Variants in DNAJB6 observed in about 807,000 individuals in gnomAD.
DNAJB6 encodes the protein DnaJ heat shock protein family (Hsp40) member B6.
A neutral mutation model predicts 42.7 loss-of-function variants in DNAJB6; 16 were observed. The ratio of observed to expected loss-of-function variants is 0.37; its 90% confidence interval spans 0.25 to 0.57. DNAJB6 has a LOEUF of 0.57. Ranked by LOEUF, DNAJB6 falls within the 20% of genes least tolerant of loss-of-function variation. The probability of loss-of-function intolerance (pLI) is 0.74; values close to 1 mark genes in which losing one functional copy is unlikely to be tolerated. For synonymous variants in DNAJB6, 170 were observed against 163.5 expected (o/e 1.04, Z -0.30); for missense variants, 347 against 416.8 (o/e 0.83, Z 1.46).
intron 1 of DNAJB6, among the ~76,000 whole-genome samples, chr7:157,346,075 T>G (rs978525938): frequency 7.2e-5 from 11 of 151,950 alleles, no homozygotes; most frequent in Admixed American, 2.0e-4. Flanking sequence ...GTAATGTGCA[T>G]TGAACACACG....
intron 1 of DNAJB6, chr7:157,337,742 A>G (rs986167889): frequency 3.3e-5 from 5 of 152,264 alleles, no homozygotes; most frequent in Non-Finnish European, 7.3e-5. Context: ...TTTGCGTTAA[A>G]GAATCTGCAC....
chr7:157,337,645 C>T (rs890679521), intron 1 of DNAJB6: 2 of 152,272 alleles, frequency 1.3e-5, no homozygotes, highest in Non-Finnish European at 2.9e-5. Context: ...GACCGCAAAG[C>T]CCTGTTTCTA....
chr7:157,362,688 C>T (rs1393821891), intron 2 of DNAJB6, among the ~76,000 whole-genome samples: 1 of 152,192 alleles, frequency 6.6e-6, no homozygotes, highest in African/African-American at 2.4e-5. Flanking sequence ...ACTTCACATA[C>T]TTGCTCAGTC....
intron 8 of DNAJB6, among the ~76,000 whole-genome samples, chr7:157,387,470 TACTA>T (rs1397991237): frequency 6.6e-6 from 1 of 152,214 alleles, no homozygotes; most frequent in Non-Finnish European, 1.5e-5. Context: ...GGTTTTTTGT[TACTA>T]AATAAATTCA....
At chr7:157,349,996 C>G (rs1228986519) in intron 1 of DNAJB6, among the ~76,000 whole-genome samples, 1 of 152,108 alleles carries the variant, frequency 6.6e-6, no homozygotes, top group African/African-American at 2.4e-5. Context: ...CCTTTGTTGT[C>G]CAGGCTGGTC....
intron 8 of DNAJB6, among the ~76,000 whole-genome samples, chr7:157,389,132 A>T (rs1041655426): frequency 2.0e-5 from 3 of 152,176 alleles, no homozygotes; most frequent in East Asian, 3.8e-4. Context: ...ACGCTTGAGG[A>T]ACACTGTGGG....
At chr7:157,352,167 A>G (rs1011981637) in intron 1 of DNAJB6, among the ~76,000 whole-genome samples, 1 of 151,970 alleles carries the variant, frequency 6.6e-6, no homozygotes, top group African/African-American at 2.4e-5. Context: ...CGTCCCTACT[A>G]AAAATAGAAA....
chr7:157,372,925 G>A (rs1800289234), intron 5 of DNAJB6, among the ~76,000 whole-genome samples: 2 of 152,140 alleles, frequency 1.3e-5, no homozygotes, highest in Admixed American at 1.3e-4. Context: ...CTTTGTGTCT[G>A]TCTCTGTGTC....
chr7:157,392,363 T>G (rs983126537), intron 8 of DNAJB6, among the ~76,000 whole-genome samples: 12 of 151,992 alleles, frequency 7.9e-5, no homozygotes, highest in African/African-American at 1.2e-4. Context: ...AAGTGGGTTT[T>G]TTTTTTTTTT....
intron 1 of DNAJB6, among the ~76,000 whole-genome samples, chr7:157,355,454 C>G (rs1230647259): frequency 6.6e-6 from 1 of 152,236 alleles, no homozygotes; most frequent in African/African-American, 2.4e-5. Context: ...GCCACCGCAC[C>G]CGGCCAGCAT....
In DNAJB6 at chr7:157,366,412, A is replaced by G. The variant is rs1799846294; in HGVS notation, c.176-90A>G. The G allele has an allele frequency of 2.8e-5, 35 of 1,234,968 alleles. No individual in the cohort carries two copies. In the South Asian group the frequency reaches 4.2e-4, roughly 15 times the overall value. 76.5% of individuals were successfully genotyped at this position (1,234,968 alleles called of 1,614,324 possible). On this transcript the variant is annotated intron_variant, in intron 3 of 9. Coordinates refer to ENST00000262177, the MANE Select transcript of DNAJB6 (RefSeq NM_058246.4). ...TTGAAATTCAGTTGTAAAACATCGA[A>G]AACTGATTTACAACTGGGGAAATAC... is the stretch of plus-strand genomic sequence containing the variant.
chr7:157,377,490 C>T (rs1034261785), intron 5 of DNAJB6, among the ~76,000 whole-genome samples: 1 of 152,066 alleles, frequency 6.6e-6, no homozygotes, highest in Admixed American at 6.5e-5. Flanking sequence ...TCTAGAGAAA[C>T]TGCCACTGGG....
At chr7:157,375,182 G>C (rs1255117302) in intron 5 of DNAJB6, among the ~76,000 whole-genome samples, 4 of 152,284 alleles carry the variant, frequency 2.6e-5, no homozygotes, top group Non-Finnish European at 5.9e-5. Flanking sequence ...ATAGTGTAGG[G>C]GGACAGTGAG....
At position 157,353,619 on chromosome 7, in the gene DNAJB6, G is replaced by GTGTGTGTGTGTA. The variant is rs765489885; in HGVS notation, c.-26-4925_-26-4924insGTGTGTGTATGT. 8.1e-3 allele frequency among the ~76,000 whole-genome samples: 1,185 copies of GTGTGTGTGTGTA among 146,846 alleles called. 6 individuals carry two copies. The highest frequency in any genetic ancestry group is 0.022 in the African/African-American group (872 of 38,954). On this transcript the variant is annotated intron_variant, in intron 1 of 9. Transcript: ENST00000262177. ...TGTGTGTGTGTGTGTGTGTGTGTGT[G>GTGTGTGTGTGTA]TGTATGTATTTTTTTTTGTTTGTTT...
intron 1 of DNAJB6, among the ~76,000 whole-genome samples, chr7:157,345,816 A>G (rs992569953): frequency 1.3e-5 from 2 of 152,172 alleles, no homozygotes; most frequent in African/African-American, 2.4e-5. Flanking sequence ...TGGGGTTCTA[A>G]TGGACACCTA....
chr7:157,358,474 C>G lies in DNAJB6; in HGVS notation c.-26-73C>G, dbSNP rs1193438947. Reference sequence around the variant, plus strand: ...GGTGACACCACCCCTTCCTCCCTCTCCAGACCCATCCCACCACCGTGATTT... The same window carrying G: ...GGTGACACCACCCCTTCCTCCCTCTGCAGACCCATCCCACCACCGTGATTT... On this transcript the variant is annotated intron_variant, in intron 1 of 9. Coordinates refer to ENST00000262177, the MANE Select transcript of DNAJB6 (RefSeq NM_058246.4). 3 of 980,988 alleles carry G rather than the reference C, an allele frequency of 3.1e-6. No individual in the cohort carries two copies. The African/African-American group carries it at 4.8e-5, about 16-fold the overall frequency. The allele number at this position is 980,988 out of a possible 1,614,324, so 60.8% of individuals were successfully genotyped here. A position where few individuals can be genotyped will look rare whatever the true frequency, so the allele number is the denominator to read the frequency against.
At chr7:157,365,974 C>T (rs1160725537) in intron 3 of DNAJB6, among the ~76,000 whole-genome samples, 3 of 145,636 alleles carry the variant, frequency 2.1e-5, no homozygotes, top group Non-Finnish European at 3.0e-5. Flanking sequence ...AAGTCCCCCC[C>T]GCGCCTACTC....
intron 4 of DNAJB6, among the ~76,000 whole-genome samples, chr7:157,366,968 G>T (rs990767130): frequency 9.9e-5 from 15 of 152,186 alleles, no homozygotes; most frequent in Non-Finnish European, 2.2e-4. Flanking sequence ...CTCCCCAGGG[G>T]TGTTGGGAAA....
intron 1 of DNAJB6, among the ~76,000 whole-genome samples, chr7:157,341,767 G>C (rs560803057): frequency 1.3e-5 from 2 of 152,296 alleles, no homozygotes; most frequent in South Asian, 4.1e-4. Flanking sequence ...TTTCTAGTTT[G>C]TGTATGTCCT....
Sources: gnomAD v4.1 joint callset for allele counts (sites outside exome capture counted in the v4.1 genomes callset) on GRCh38, gnomAD v4.1.1 for gene constraint, MANE v1.5 for transcripts, NCBI Gene and HGNC (gene_info 2026-07-23, HGNC 2026-07-21) for gene names.